Variants in VWA3A observed in about 807,000 individuals in gnomAD.
VWA3A encodes von Willebrand factor A domain-containing protein 3A.
VWA3A carries 134 observed loss-of-function variants against 160.4 expected under a neutral mutation model. The observed-to-expected ratio is 0.84, with a 90% CI of 0.73 to 0.96. VWA3A has a LOEUF of 0.96. Ranked by LOEUF, VWA3A falls within the 40% of genes least tolerant of loss-of-function variation. The pLI, the probability that VWA3A is intolerant of heterozygous loss-of-function variation, is 0.00. For synonymous variants in VWA3A, 476 were observed against 543.4 expected (o/e 0.88, Z 1.72); for missense variants, 1,310 against 1,447.9 (o/e 0.90, Z 1.55).
intron 18 of VWA3A, 130 bp from the exon 19 acceptor site, chr16:22,131,455 T>A: frequency 6.8e-7 from 1 of 1,481,176 alleles, no homozygotes; most frequent in Non-Finnish European, 9.1e-7. Flanking sequence ...CACCTGGCCA[T>A]CTTCACTTTA....
Position 22,131,254 on chromosome 16 carries a change from C to T in VWA3A, c.1702C>T (p.His568Tyr). The stretch of plus-strand genomic sequence containing the variant: ...GAGGCCTGAGATGGTTCCCGTGAGT[C>T]ACAACAATTTACAAAGTGCCTGGCG... Reference protein sequence around the residue: ...SWRPEMVPVSHNNLQSAWRWA... With the variant: ...SWRPEMVPVSYNNLQSAWRWA... The change falls in exon 18 of 34, where the codon CAC (histidine) becomes TAC (tyrosine). Residue 568 changes from histidine to tyrosine, a missense_variant. Transcript: ENST00000389398. 6.2e-7 allele frequency: 1 copy of T among 1,613,986 alleles called. No individual in the cohort carries two copies. The highest frequency in any genetic ancestry group is 8.5e-7 in the Non-Finnish European group (1 of 1,179,896).
intron 17 of VWA3A, among the ~76,000 whole-genome samples, chr16:22,130,769 A>C (rs548347423): frequency 6.6e-6 from 1 of 152,176 alleles, no homozygotes; most frequent in African/African-American, 2.4e-5. Flanking sequence ...ATACCCAGCT[A>C]ATTTTTTTTA....
intron 9 of VWA3A, 69 bp from the exon 10 acceptor site, chr16:22,116,690 G>A (rs982000038): frequency 4.8e-6 from 6 of 1,256,500 alleles, no homozygotes; most frequent in East Asian, 2.3e-5. Flanking sequence ...GGGAATTACC[G>A]TTTTGCTCTG....
chr16:22,134,228 A>G (rs1422559393), intron 20 of VWA3A, 140 bp from the exon 21 acceptor site: 5 of 639,474 alleles, frequency 7.8e-6, no homozygotes, highest in Non-Finnish European at 1.3e-5. Context: ...TCAGCCTCCC[A>G]AATGCTGGGA....
chr16:22,100,166 C>A (rs536650961), intron 3 of VWA3A, 28 bp from the exon 4 acceptor site: 1 of 1,521,120 alleles, frequency 6.6e-7, no homozygotes, highest in East Asian at 2.5e-5. Flanking sequence ...TTCCACTTCA[C>A]GGTTTGACTC....
intron 23 of VWA3A, 75 bp from the exon 24 acceptor site, chr16:22,141,507 C>T: frequency 1.4e-6 from 2 of 1,415,306 alleles, no homozygotes; most frequent in Non-Finnish European, 2.0e-6. Flanking sequence ...ACTTGAGTGT[C>T]TCTAAGCCAA....
At chr16:22,153,629 G>A (rs530870070) in intron 31 of VWA3A, among the ~76,000 whole-genome samples, 1 of 151,956 alleles carries the variant, frequency 6.6e-6, no homozygotes, top group East Asian at 1.9e-4. Flanking sequence ...GGAATGCAAT[G>A]TTGTCAGTGA....
chr16:22,103,380 AACAAT>A, intron 5 of VWA3A, 90 bp from the exon 6 acceptor site: 1 of 1,213,756 alleles, frequency 8.2e-7, no homozygotes, highest in Non-Finnish European at 1.2e-6. Flanking sequence ...TAAAAAAAAA[AACAAT>A]TATTCATACC....
chr16:22,096,769 A>ATTTT (rs2045330765), intron 1 of VWA3A, 90 bp from the exon 2 acceptor site: 2 of 873,126 alleles, frequency 2.3e-6, no homozygotes, highest in South Asian at 3.2e-5. Flanking sequence ...CATGTAGAAA[A>ATTTT]AGAAGCATTG....
At chr16:22,125,524 T>C (rs942621964) in intron 16 of VWA3A, among the ~76,000 whole-genome samples, 3 of 151,882 alleles carry the variant, frequency 2.0e-5, no homozygotes, top group African/African-American at 7.3e-5. Context: ...CCCGGGTTCA[T>C]GCCATTCTCC....
chr16:22,143,749 CTT>C (rs555474217), intron 25 of VWA3A, among the ~76,000 whole-genome samples: 49,043 of 127,098 alleles, frequency 0.39, 13,113 homozygotes, highest in African/African-American at 0.76. Context: ...TTCTTTCTTT[CTT>C]TTTTTTTTTT....
At chr16:22,147,675 C>G (rs141989931) in intron 27 of VWA3A, 1 of 702,516 alleles carries the variant, frequency 1.4e-6, no homozygotes, top group African/African-American at 1.7e-5. Flanking sequence ...TGAGCTGGGA[C>G]AGAGAAGGCG....
chr16:22,144,199 G>T, intron 25 of VWA3A, 48 bp from the exon 26 acceptor site: 2 of 1,559,824 alleles, frequency 1.3e-6, no homozygotes, highest in South Asian at 1.2e-5. Context: ...TGATCATTCA[G>T]TTGAGTCTGA....
chr16:22,143,804 G>A (rs1042834269), intron 25 of VWA3A, among the ~76,000 whole-genome samples: 1 of 150,226 alleles, frequency 6.7e-6, no homozygotes, highest in Non-Finnish European at 1.5e-5. Flanking sequence ...CTGGAGTGCA[G>A]TAGCACTATC....
At chr16:22,146,171 G>A in intron 26 of VWA3A, 65 bp from the exon 27 acceptor site, 3 of 1,285,048 alleles carry the variant, frequency 2.3e-6, no homozygotes, top group Non-Finnish European at 3.3e-6. Flanking sequence ...CAATTTTAGG[G>A]GGTGATGGGG....
chr16:22,117,590 G>C (rs776897692), intron 11 of VWA3A, among the ~76,000 whole-genome samples: 1 of 152,204 alleles, frequency 6.6e-6, no homozygotes, highest in Non-Finnish European at 1.5e-5. Flanking sequence ...ACCCACTGCA[G>C]AGCGAAATGA....
At chr16:22,115,920 A>AGGAAGGAAGGAAG (rs2045630778) in intron 9 of VWA3A, among the ~76,000 whole-genome samples, 1 of 31,606 alleles carries the variant, frequency 3.2e-5, no homozygotes, top group Non-Finnish European at 4.3e-5. Flanking sequence ...GAAGGAAGGA[A>AGGAAGGAAGGAAG]GGAAAGGAAA....
At chr16:22,118,454 G>C (rs1168974728) in intron 11 of VWA3A, among the ~76,000 whole-genome samples, 1 of 152,124 alleles carries the variant, frequency 6.6e-6, no homozygotes, top group African/African-American at 2.4e-5. Flanking sequence ...GGGAGGCCGA[G>C]GCGGGCAGAT....
chr16:22,124,745 T>G (rs2045812334), intron 16 of VWA3A, among the ~76,000 whole-genome samples: 1 of 151,932 alleles, frequency 6.6e-6, no homozygotes. Context: ...ATGATGAGTC[T>G]TACAAGTAGT....
Sources: allele counts gnomAD v4.1 joint callset (sites outside exome capture counted in the v4.1 genomes callset), GRCh38; gene constraint gnomAD v4.1.1; transcripts MANE v1.5; gene names NCBI Gene and HGNC (gene_info 2026-07-23, HGNC 2026-07-21).